The following SLC25A10 variants were observed in gnomAD, a reference collection of about 807,000 sequenced individuals.
The protein encoded by SLC25A10 is mitochondrial dicarboxylate carrier.
SLC25A10 carries 32 observed loss-of-function variants against 40.4 expected under a neutral mutation model. That is an observed-to-expected ratio of 0.79 (90% CI 0.60 to 1.06). SLC25A10 has a LOEUF of 1.06. Among genes scored for constraint, SLC25A10 ranks in the 50% least tolerant of loss-of-function variants. The probability of loss-of-function intolerance (pLI) is 0.00; values close to 1 mark genes in which losing one functional copy is unlikely to be tolerated. For missense variants in SLC25A10, 394 were observed against 402.6 expected (o/e 0.98, Z 0.18); for synonymous variants, 181 against 171.1 (o/e 1.06, Z -0.45).
At chr17:81,718,483 C>A (rs1489641519) in intron 9 of SLC25A10, among the ~76,000 whole-genome samples, 1 of 151,560 alleles carries the variant, frequency 6.6e-6, no homozygotes, top group African/African-American at 2.4e-5. Context: ...GAAACTGTCT[C>A]AAAAAAACAA....
Position 81,717,461 on chromosome 17 carries a change from C to T in SLC25A10, c.597C>T (p.Ile199=), listed in dbSNP as rs759091020. The stretch of plus-strand genomic sequence containing the variant: ...GCACCGGGTACCTCTCTGACAACAT[C>T]TTCACTCACTTTGTCGCCAGCTTTA... The part of the protein sequence containing the change: ...VLSTGYLSDN[I]FTHFVASFIA... Residue 199 remains isoleucine (I), a synonymous_variant, in exon 8 of 11, where the codon ATC becomes ATT. Transcript: ENST00000350690. 3.7e-6 allele frequency: 6 copies of T among 1,613,680 alleles called. No individual in the cohort carries two copies. Among genetic ancestry groups the T allele is most frequent in the South Asian group, 2.2e-5 (2 of 91,088 alleles).
chr17:81,712,656 C>T (rs2037405790), intron 1 of SLC25A10, 137 bp downstream of exon 1: 2 of 591,754 alleles, frequency 3.4e-6, no homozygotes, highest in Non-Finnish European at 4.9e-6. Flanking sequence ...AGGAGGCCCC[C>T]GACGCCCGGA....
intron 6 of SLC25A10, 60 bp downstream of exon 6, chr17:81,716,915 T>G: frequency 6.2e-7 from 1 of 1,603,690 alleles, no homozygotes; most frequent in Non-Finnish European, 8.5e-7. Flanking sequence ...TGGGCAGCGC[T>G]GTAGAAGACT....
chr17:81,716,830 T>C lies in SLC25A10; in HGVS notation c.438T>C (p.Asp146=), dbSNP rs772244811. Residue 146 remains aspartate (D), a synonymous_variant, in exon 6 of 11, where the codon GAT becomes GAC. Coordinates refer to ENST00000350690, the MANE Select transcript of SLC25A10 (RefSeq NM_012140.5). ...CCGGCAGCTACGCCCATGCGCTGGA[T>C]GGCCTGTACCGCGTAGCTCGTGAAG... is the stretch of plus-strand genomic sequence containing the variant. ...GQRRNYAHAL[D]GLYRVAREEG... 3 of 1,609,954 alleles carry C rather than the reference T, an allele frequency of 1.9e-6. No homozygotes were observed. The Admixed American group carries it at 5.0e-5, about 27-fold the overall frequency.
At chr17:81,716,512 C>T (rs184442804) in intron 5 of SLC25A10, among the ~76,000 whole-genome samples, 7 of 152,302 alleles carry the variant, frequency 4.6e-5, no homozygotes, top group Admixed American at 2.0e-4. Flanking sequence ...TAGCTGTGCA[C>T]ACAGACTGTG....
At position 81,713,447 on chromosome 17, in the gene SLC25A10, G is replaced by A. The variant is rs949759790; in HGVS notation, c.93+928G>A. 8.1e-6 allele frequency: 8 copies of A among 985,462 alleles called. No individual in the cohort carries two copies. In the East Asian group the frequency reaches 6.8e-4, roughly 84 times the overall value. The allele number at this position is 985,462 out of a possible 1,614,324, so 61.0% of individuals were successfully genotyped here. On this transcript the variant is annotated intron_variant, in intron 1 of 10. Transcript: ENST00000350690. ...TGTCCAGGGGACTTGTATTCCAGCA[G>A]CCTTTGAGGGGACTGGCTTTACTAA...
In SLC25A10 at chr17:81,714,934, A is replaced by G; in HGVS notation, c.94-19A>G. On this transcript the variant is annotated intron_variant, in intron 1 of 10. Coordinates refer to ENST00000350690, the MANE Select transcript of SLC25A10 (RefSeq NM_012140.5). Reference sequence around the variant, plus strand: ...TCCCTCGGGGTCGCTGTGGGGTCTGAGAGCACTCACTCCCGCAGGTGCATC... The same window carrying G: ...TCCCTCGGGGTCGCTGTGGGGTCTGGGAGCACTCACTCCCGCAGGTGCATC... 1 of 1,605,322 alleles carries G rather than the reference A, an allele frequency of 6.2e-7. No homozygotes were observed. The highest frequency in any genetic ancestry group is 8.5e-7 in the Non-Finnish European group (1 of 1,179,600).
intron 4 of SLC25A10, 36 bp downstream of exon 4, chr17:81,715,777 G>A (rs375314620): frequency 6.2e-7 from 1 of 1,612,152 alleles, no homozygotes; most frequent in African/African-American, 1.3e-5. Context: ...AAGGCCAGGG[G>A]CTTTCTTGTC....
At chr17:81,717,921 C>T in intron 9 of SLC25A10, 60 bp downstream of exon 9, 4 of 1,343,926 alleles carry the variant, frequency 3.0e-6, no homozygotes, top group South Asian at 1.2e-5. Flanking sequence ...CCTCACCTCT[C>T]CGGGGGGTGG....
intron 5 of SLC25A10, 114 bp downstream of exon 5, chr17:81,716,164 G>A (rs2037482503): frequency 1.7e-6 from 2 of 1,193,644 alleles, no homozygotes; most frequent in East Asian, 2.5e-5. Context: ...CGAGGTGCCT[G>A]CACGGTCCAT....
rs1568233405 is a variant in SLC25A10, at chr17:81,720,236, C to T, written c.*159C>T. 3 of 1,452,660 alleles carry T rather than the reference C, an allele frequency of 2.1e-6. No homozygotes were observed. Among genetic ancestry groups the T allele is most frequent in the Non-Finnish European group, 2.7e-6 (3 of 1,110,254 alleles). 90.0% of individuals were successfully genotyped at this position (1,452,660 alleles called of 1,614,324 possible). On this transcript the variant is annotated 3_prime_UTR_variant, in exon 11 of 11. Coordinates refer to ENST00000350690, the MANE Select transcript of SLC25A10 (RefSeq NM_012140.5). ...GTCCCCCCACCTGCTGGCTGAGCTC[C>T]TCCTGGCCTCGTCCCCTCTCAGCTG...
chr17:81,715,750 T>C lies in SLC25A10; in HGVS notation c.377+9T>C. 1 of 1,613,040 alleles carries C rather than the reference T, an allele frequency of 6.2e-7. No individual in the cohort carries two copies. The highest frequency in any genetic ancestry group is 2.2e-5 in the East Asian group (1 of 44,852). On this transcript the variant is annotated intron_variant, in intron 4 of 10. Coordinates refer to ENST00000350690, the MANE Select transcript of SLC25A10 (RefSeq NM_012140.5). Reference sequence around the variant, plus strand: ...GACTTGGTCAACGTCAGGTTGGTGTTCCCCCACCCCACCTGCAAGGCCAGG... The same window carrying C: ...GACTTGGTCAACGTCAGGTTGGTGTCCCCCCACCCCACCTGCAAGGCCAGG...
chr17:81,713,966 AAG>A (rs1167825738), intron 1 of SLC25A10, among the ~76,000 whole-genome samples: 1 of 152,202 alleles, frequency 6.6e-6, no homozygotes, highest in Non-Finnish European at 1.5e-5. Context: ...GGCCGTCGGA[AAG>A]ATCTTTTAAA....
rs1411132563 is a variant in SLC25A10, at chr17:81,717,434, T to C, written c.570T>C (p.Leu190=). 6.2e-7 allele frequency: 1 copy of C among 1,613,648 alleles called. No homozygotes were observed. The highest frequency in any genetic ancestry group is 8.5e-7 in the Non-Finnish European group (1 of 1,179,928). The change falls in exon 8 of 11, where the codon CTT becomes CTC. Residue 190 remains leucine, a synonymous_variant. Coordinates refer to ENST00000350690, the MANE Select transcript of SLC25A10 (RefSeq NM_012140.5). ...SCYDQAKQLV[L]STGYLSDNIF... is the part of the protein sequence containing the mutation. ...ACGACCAGGCCAAGCAGCTGGTCCT[T>C]AGCACCGGGTACCTCTCTGACAACA... is the stretch of plus-strand genomic sequence containing the variant.
rs746570251 is a variant in SLC25A10, at chr17:81,715,016, C to T, written c.157C>T (p.Arg53Cys). 9.9e-6 allele frequency: 16 copies of T among 1,609,884 alleles called. No homozygotes were observed. The highest frequency in any genetic ancestry group is 5.0e-5 in the Admixed American group (3 of 59,986). The change falls in exon 2 of 11, where the codon CGT becomes TGT. Residue 53 changes from arginine to cysteine, a missense_variant. By Grantham distance (180) the Arg-to-Cys change is radical. Coordinates refer to ENST00000350690, the MANE Select transcript of SLC25A10 (RefSeq NM_012140.5). ...GACGGGCATGGCGCTGCGGGTGGTG[C>T]GTACCGACGGCATCCTGGCACTCTA... ...RMTGMALRVV[R>C]TDGILALYSG...
intron 9 of SLC25A10, among the ~76,000 whole-genome samples, chr17:81,719,462 A>C (rs919027715): frequency 1.6e-4 from 24 of 152,070 alleles, no homozygotes; most frequent in African/African-American, 5.3e-4. Context: ...GCCCCCGCCA[A>C]CTCCATGGGG....
rs767965070 is a variant in SLC25A10 at position 81,719,889 on chromosome 17, T to A, written c.762+2T>A. The A allele has an allele frequency of 1.2e-6, 2 of 1,613,862 alleles. No homozygotes were observed. Among genetic ancestry groups the A allele is most frequent in the Non-Finnish European group, 1.7e-6 (2 of 1,180,002 alleles). On this transcript the variant is annotated splice_donor_variant, in intron 10 of 10. Transcript: ENST00000350690. LOFTEE classifies it high-confidence loss of function. The stretch of plus-strand genomic sequence containing the variant: ...CTCGGGCCTCTGGCCTTTTACAAGG[T>A]GCAGTGGTGGCGGCAGTGGCGGCTT...
In SLC25A10 at chr17:81,720,111, A is replaced by T. The variant is rs112082309; in HGVS notation, c.*34A>T. ...GGGAATGGCTGGGCTGCCAGGCCAG[A>T]CACGCTAGGTTCTTCCAAAGAGTCC... On this transcript the variant is annotated 3_prime_UTR_variant, in exon 11 of 11. Coordinates refer to ENST00000350690, the MANE Select transcript of SLC25A10 (RefSeq NM_012140.5). The T allele has an allele frequency of 1.2e-6, 2 of 1,610,054 alleles. No individual in the cohort carries two copies. Among genetic ancestry groups the T allele is most frequent in the Admixed American group, 1.7e-5 (1 of 60,010 alleles).
At chr17:81,717,291 G>C in intron 7 of SLC25A10, 108 bp from the exon 8 acceptor site, 1 of 1,185,206 alleles carries the variant, frequency 8.4e-7, no homozygotes, top group South Asian at 1.3e-5. Flanking sequence ...CGGACGGACA[G>C]ACGGAGCAGG....
Sources: gnomAD v4.1 joint callset for allele counts (sites outside exome capture counted in the v4.1 genomes callset) on GRCh38, gnomAD v4.1.1 for gene constraint, MANE v1.5 for transcripts, NCBI Gene and HGNC (gene_info 2026-07-23, HGNC 2026-07-21) for gene names.